Variants in FSIP1 observed in about 807,000 individuals in gnomAD.
The protein encoded by FSIP1 is fibrous sheath-interacting protein 1.
Under a neutral mutation model 60.9 loss-of-function variants are expected in FSIP1, and 65 were observed. That is an observed-to-expected ratio of 1.07 (90% confidence interval 0.87 to 1.31). FSIP1 has a LOEUF of 1.31. Ranked by LOEUF, FSIP1 falls within the 40% of genes most tolerant of loss-of-function variation. The probability of loss-of-function intolerance (pLI) is 0.00; values close to 1 mark genes in which losing one functional copy is unlikely to be tolerated. For synonymous variants in FSIP1, 209 were observed against 221.2 expected (o/e 0.94, Z 0.49); for missense variants, 675 against 665.5 (o/e 1.01, Z -0.16).
intron 10 of FSIP1, among the ~76,000 whole-genome samples, chr15:39,651,642 G>A (rs1892874832): frequency 6.6e-6 from 1 of 152,064 alleles, no homozygotes; most frequent in African/African-American, 2.4e-5. Flanking sequence ...TTGCTTTTTT[G>A]CTTATGGTTG....
rs1446960168 is a variant in FSIP1, at chr15:39,761,816, T to C, written c.559+2005A>G. Among the ~76,000 whole-genome samples, 12 of 152,242 alleles carry C rather than the reference T, an allele frequency of 7.9e-5. No homozygotes were observed. The East Asian group carries it at 2.3e-3, about 29-fold the overall frequency. ...TCTATATTGTATTCATAAATCATAA[T>C]ATCATTTTGTACCCCATAAATATAA... is the stretch of plus-strand genomic sequence containing the variant. On this transcript the variant is annotated intron_variant, in intron 5 of 11. Coordinates refer to ENST00000350221, the MANE Select transcript of FSIP1 (RefSeq NM_152597.5).
At chr15:39,713,691 T>C (rs1223741701) in intron 9 of FSIP1, 110 bp from the exon 10 acceptor site, 1 of 978,918 alleles carries the variant, frequency 1.0e-6, no homozygotes, top group Non-Finnish European at 1.5e-6. Flanking sequence ...CAAACAATTA[T>C]TTCTTCCCTT....
At chr15:39,754,610 G>A (rs1180894750) in intron 5 of FSIP1, among the ~76,000 whole-genome samples, 1 of 152,076 alleles carries the variant, frequency 6.6e-6, no homozygotes, top group Admixed American at 6.6e-5. Context: ...CAAGGAAGAA[G>A]TGTAAAAGAA....
chr15:39,677,928 G>A (rs2140481136), intron 10 of FSIP1, among the ~76,000 whole-genome samples: 1 of 152,006 alleles, frequency 6.6e-6, no homozygotes, highest in African/African-American at 2.4e-5. Flanking sequence ...CCAGGGAGTT[G>A]GAGGTTGCCG....
At chr15:39,625,039 C>A (rs148300117) in intron 10 of FSIP1, among the ~76,000 whole-genome samples, 5 of 152,178 alleles carry the variant, frequency 3.3e-5, no homozygotes, top group Non-Finnish European at 7.3e-5. Flanking sequence ...GTGTGGGAAG[C>A]CCTTTTTATG....
At chr15:39,612,744 T>C (rs899421587) in intron 11 of FSIP1, among the ~76,000 whole-genome samples, 10 of 152,070 alleles carry the variant, frequency 6.6e-5, no homozygotes, top group African/African-American at 2.4e-4. Flanking sequence ...AACCCTTAGC[T>C]AGACTAACTA....
chr15:39,780,317 GA>G lies in FSIP1; in HGVS notation c.-8+2310del, dbSNP rs1156356259. On this transcript the variant is annotated intron_variant, in intron 1 of 11. Transcript: ENST00000350221. ...GGCGGGCAGATCACGAGGTCAGGAGGATCAAGAACACCCTGGCTAACACGGT... is the reference window on the plus strand; with the variant it reads ...GGCGGGCAGATCACGAGGTCAGGAGGTCAAGAACACCCTGGCTAACACGGT... Among the ~76,000 whole-genome samples, 8 of 152,008 alleles carry G rather than the reference GA, an allele frequency of 5.3e-5. No individual in the cohort carries two copies. The East Asian group carries it at 1.5e-3, about 29-fold the overall frequency.
chr15:39,731,638 C>A (rs1346456028), intron 8 of FSIP1, among the ~76,000 whole-genome samples: 3 of 152,140 alleles, frequency 2.0e-5, no homozygotes, highest in Admixed American at 6.5e-5. Context: ...TTTTTTCTAT[C>A]TGTCTAGCAC....
At chr15:39,734,400 T>C (rs904935418) in intron 8 of FSIP1, among the ~76,000 whole-genome samples, 2 of 152,158 alleles carry the variant, frequency 1.3e-5, no homozygotes, top group African/African-American at 4.8e-5. Flanking sequence ...CTAAATTTTG[T>C]TTAGAGAGAT....
chr15:39,726,075 A>G (rs2140592730), intron 9 of FSIP1, among the ~76,000 whole-genome samples: 1 of 152,326 alleles, frequency 6.6e-6, no homozygotes, highest in South Asian at 2.1e-4. Context: ...TATAGGCATG[A>G]GCCACCGCAC....
At chr15:39,660,345 A>G (rs534471341) in intron 10 of FSIP1, among the ~76,000 whole-genome samples, 16 of 152,298 alleles carry the variant, frequency 1.1e-4, no homozygotes, top group Admixed American at 1.0e-3. Context: ...TATATTCTCT[A>G]GCCCACACGA....
At chr15:39,762,942 G>T (rs1566917853) in intron 5 of FSIP1, among the ~76,000 whole-genome samples, 2 of 151,936 alleles carry the variant, frequency 1.3e-5, no homozygotes, top group Admixed American at 6.6e-5. Context: ...AATTAGTGGG[G>T]GAAAGGTTAC....
intron 10 of FSIP1, among the ~76,000 whole-genome samples, chr15:39,699,217 T>C (rs1894955548): frequency 6.6e-6 from 1 of 152,236 alleles, no homozygotes; most frequent in African/African-American, 2.4e-5. Flanking sequence ...CATTTTTAAC[T>C]AGAATTTTAT....
intron 4 of FSIP1, 143 bp from the exon 5 acceptor site, chr15:39,764,057 A>C (rs1044813086): frequency 1.6e-5 from 9 of 577,514 alleles, no homozygotes; most frequent in African/African-American, 1.3e-4. Context: ...AAATCTGTAA[A>C]TCTCCTCTGT....
At chr15:39,632,663 T>C (rs1891947058) in intron 10 of FSIP1, among the ~76,000 whole-genome samples, 1 of 152,048 alleles carries the variant, frequency 6.6e-6, no homozygotes, top group Admixed American at 6.5e-5. Flanking sequence ...CATGGTGACG[T>C]GTGCCTGTAA....
intron 8 of FSIP1, among the ~76,000 whole-genome samples, chr15:39,728,708 G>T (rs1595669321): frequency 6.6e-6 from 1 of 152,150 alleles, no homozygotes; most frequent in Non-Finnish European, 1.5e-5. Flanking sequence ...CCCTGTCAAG[G>T]ATTTCATAAT....
intron 5 of FSIP1, among the ~76,000 whole-genome samples, chr15:39,762,782 C>A (rs1450910952): frequency 6.6e-6 from 1 of 152,016 alleles, no homozygotes; most frequent in Non-Finnish European, 1.5e-5. Context: ...TCCAGGATAG[C>A]CAAGACTGAA....
chr15:39,635,084 C>T (rs1566861923), intron 10 of FSIP1, among the ~76,000 whole-genome samples: 2 of 152,144 alleles, frequency 1.3e-5, no homozygotes, highest in South Asian at 4.1e-4. Context: ...GCCTGTAATC[C>T]CAGCACTTTG....
At chr15:39,648,171 A>T (rs1489359222) in intron 10 of FSIP1, among the ~76,000 whole-genome samples, 4 of 98,316 alleles carry the variant, frequency 4.1e-5, no homozygotes, top group African/African-American at 2.3e-4. Context: ...AGTATAATAA[A>T]AAAAAAAAGA....
Sources: gnomAD v4.1 joint callset for allele counts (sites outside exome capture counted in the v4.1 genomes callset) on GRCh38, gnomAD v4.1.1 for gene constraint, MANE v1.5 for transcripts, NCBI Gene and HGNC (gene_info 2026-07-23, HGNC 2026-07-21) for gene names.